The following ANKRD24 variants were observed in gnomAD, a reference collection of about 807,000 sequenced individuals.
ANKRD24 encodes ankyrin repeat domain 24.
Under a neutral mutation model 127.8 loss-of-function variants are expected in ANKRD24, and 109 were observed. That is an observed-to-expected ratio of 0.85 (90% CI 0.73 to 1.00). The LOEUF (loss-of-function observed/expected upper bound fraction) is 1.00, where lower values mean the gene tolerates loss of function less well. Ranked by LOEUF, ANKRD24 falls within the 50% of genes least tolerant of loss-of-function variation. The probability of loss-of-function intolerance (pLI) is 0.00; values close to 1 mark genes in which losing one functional copy is unlikely to be tolerated. For missense variants in ANKRD24, 1,648 were observed against 1,570.2 expected (o/e 1.05, Z -0.84); for synonymous variants, 743 against 671.1 (o/e 1.11, Z -1.66).
In ANKRD24 at chr19:4,224,544, G is replaced by A. The variant is rs747162663; in HGVS notation, c.*39G>A. On this transcript the variant is annotated 3_prime_UTR_variant, in exon 22 of 22. Transcript: ENST00000318934. ...CAGTGGCTACACTGACCACACCCAC[G>A]CAGGGACCTCACCCCCCTGCAGGCC... The A allele has an allele frequency of 3.1e-5, 49 of 1,567,604 alleles. No homozygotes were observed. The highest frequency in any genetic ancestry group is 3.8e-5 in the Non-Finnish European group (44 of 1,151,968).
At chr19:4,205,954 A>G (rs528499368) in intron 7 of ANKRD24, among the ~76,000 whole-genome samples, 1 of 150,666 alleles carries the variant, frequency 6.6e-6, no homozygotes, top group East Asian at 2.0e-4. Context: ...CATCCTGGCT[A>G]ACACGGTGAA....
Position 4,195,192 on chromosome 19 carries a change from T to C in ANKRD24, c.37-4491T>C, listed in dbSNP as rs190063372. On this transcript the variant is annotated intron_variant, in intron 2 of 21. Coordinates refer to ENST00000318934, the MANE Select transcript of ANKRD24 (RefSeq NM_001393985.1). This position sits in a 1 kb window ranked among gnomAD's most constrained non-coding sequence, Gnocchi z 4.2. ...GGTGCACGCCATTCTCCTGCCTCAG[T>C]CTCCCGAGTAGCTGGGACTACAGGC... 7.9e-4 allele frequency among the ~76,000 whole-genome samples: 120 copies of C among 151,956 alleles called. No homozygotes were observed. The highest frequency in any genetic ancestry group is 2.9e-3 in the East Asian group (15 of 5,142).
At chr19:4,206,593 G>A (rs7245467) in intron 7 of ANKRD24, among the ~76,000 whole-genome samples, 117,451 of 151,976 alleles carry the variant, frequency 0.77, 45,527 homozygotes, top group African/African-American at 0.83. Context: ...CAGGAGTTCG[G>A]GACCAGTCTG....
At position 4,217,643 on chromosome 19, in the gene ANKRD24, AG is replaced by A; in HGVS notation, c.2485del (p.Ala829ArgfsTer181). ...GCCAGCCGGCTGCTGGCGGAGGAGG[AG>A]GCGCGGGGCCTGCGGGCCGAGCTGG... ...ARASRLLAEEEARGLRAELAQ... is the reference protein window; with the variant it reads ...ARASRLLAEEXARGLRAELAQ... On this transcript the variant is annotated frameshift_variant, in exon 18 of 22. Coordinates refer to ENST00000318934, the MANE Select transcript of ANKRD24 (RefSeq NM_001393985.1). LOFTEE classifies it high-confidence loss of function. The A allele has an allele frequency of 7.8e-7, 1 of 1,281,912 alleles. No individual in the cohort carries two copies. The highest frequency in any genetic ancestry group is 9.8e-7 in the Non-Finnish European group (1 of 1,018,160). The allele number at this position is 1,281,912 out of a possible 1,614,324, so 79.4% of individuals were successfully genotyped here.
chr19:4,202,197 C>A, intron 6 of ANKRD24, 107 bp downstream of exon 6: 1 of 1,037,428 alleles, frequency 9.6e-7, no homozygotes, highest in South Asian at 1.3e-5. Flanking sequence ...ATTCCTTGGC[C>A]CCTTTTACTC....
chr19:4,193,845 G>GAGGGAGGGAGGGAGGGAAGGAAGGA (rs573649233), intron 2 of ANKRD24, among the ~76,000 whole-genome samples: 911 of 40,484 alleles, frequency 0.023, 156 homozygotes, highest in Middle Eastern at 0.1. Flanking sequence ...GGGAGGGAGG[G>GAGGGAGGGAGGGAGGGAAGGAAGGA]AGGAAGGAAG....
At chr19:4,224,272 A>G in intron 21 of ANKRD24, 80 bp downstream of exon 21, 1 of 1,460,348 alleles carries the variant, frequency 6.8e-7, no homozygotes, top group Non-Finnish European at 9.4e-7. Flanking sequence ...CCCCTTCTGT[A>G]CAGTGGGAGG....
chr19:4,206,780 A>C (rs1244899091), intron 7 of ANKRD24, among the ~76,000 whole-genome samples: 5 of 152,168 alleles, frequency 3.3e-5, no homozygotes, highest in African/African-American at 1.2e-4. Context: ...CCTTTGTTAC[A>C]AATTCCTCAG....
chr19:4,212,933 C>G (rs1406442438), intron 15 of ANKRD24, among the ~76,000 whole-genome samples: 1 of 152,228 alleles, frequency 6.6e-6, no homozygotes, highest in East Asian at 1.9e-4. Context: ...GAGATCGAGA[C>G]TGTCCTGGCC....
chr19:4,196,286 A>G (rs8110225), intron 2 of ANKRD24, among the ~76,000 whole-genome samples: 64,764 of 151,954 alleles, frequency 0.43, 13,902 homozygotes, highest in Non-Finnish European at 0.45. Context: ...AGCCCCTGTC[A>G]CCTGTCTGCT....
chr19:4,187,167 T>C (rs1968111495), intron 2 of ANKRD24, among the ~76,000 whole-genome samples: 1 of 150,734 alleles, frequency 6.6e-6, no homozygotes, highest in Non-Finnish European at 1.5e-5. Flanking sequence ...AATCCCAGCA[T>C]TTTGGGAGGC....
rs775592071 is a variant in ANKRD24 at position 4,207,938 on chromosome 19, G to C, written c.802G>C (p.Glu268Gln). Residue 268 changes from glutamate to glutamine, a missense_variant, in exon 10 of 22, where the codon GAG (glutamate) becomes CAG (glutamine). Physicochemically the swap from Glu to Gln is conservative, Grantham distance 29. Coordinates refer to ENST00000318934, the MANE Select transcript of ANKRD24 (RefSeq NM_001393985.1). Reference sequence around the variant, plus strand: ...CAAACTCATCCTGCACCTTCTGCAAGAGGCGGCCCAGCGCCCCTCCCCACC... The same window carrying C: ...CAAACTCATCCTGCACCTTCTGCAACAGGCGGCCCAGCGCCCCTCCCCACC... ...GDKLILHLLQ[E>Q]AAQRPSPPSA... 41 of 1,535,524 alleles carry C rather than the reference G, an allele frequency of 2.7e-5. No individual in the cohort carries two copies. Among genetic ancestry groups the C allele is most frequent in the Non-Finnish European group, 3.4e-5 (39 of 1,143,328 alleles).
Position 4,202,846 on chromosome 19 carries a change from C to T in ANKRD24, c.409-23C>T, listed in dbSNP as rs753451399. ...GGCAGCAAGAAGGATGGCTCCGCCT[C>T]AAAGGACTCGCCCCATCCCCAGGCT... is the stretch of plus-strand genomic sequence containing the variant. On this transcript the variant is annotated intron_variant, in intron 6 of 21. Transcript: ENST00000318934. 2.5e-6 allele frequency: 4 copies of T among 1,576,098 alleles called. No homozygotes were observed. The East Asian group carries it at 7.1e-5, about 28-fold the overall frequency.
rs1271640298 is a variant in ANKRD24 at position 4,199,725 on chromosome 19, G to A, written c.79G>A (p.Gly27Ser). The A allele has an allele frequency of 5.9e-6, 9 of 1,538,414 alleles. No individual in the cohort carries two copies. Among genetic ancestry groups the A allele is most frequent in the South Asian group, 3.6e-5 (3 of 83,774 alleles). Residue 27 changes from glycine (G) to serine (S), a missense_variant, in exon 3 of 22, where the codon GGC (glycine) becomes AGC (serine). Gly to Ser is a moderately conservative substitution (Grantham distance 56). Coordinates refer to ENST00000318934, the MANE Select transcript of ANKRD24 (RefSeq NM_001393985.1). The surrounding 1 kb of genome is among the most constrained non-coding windows in gnomAD (Gnocchi z 5.2). ...PTDLGSCPPC[G>S]PCPIPKPAAR... is the part of the protein sequence containing the mutation. ...TGACCTTGGCTCCTGCCCGCCCTGC[G>A]GCCCCTGCCCCATCCCGAAGCCGGC... is the stretch of plus-strand genomic sequence containing the variant.
At position 4,195,198 on chromosome 19, in the gene ANKRD24, G is replaced by A. The variant is rs564016778; in HGVS notation, c.37-4485G>A. ...CGCCATTCTCCTGCCTCAGTCTCCC[G>A]AGTAGCTGGGACTACAGGCGCCCAC... On this transcript the variant is annotated intron_variant, in intron 2 of 21. Transcript: ENST00000318934. The surrounding 1 kb of genome is among the most constrained non-coding windows in gnomAD (Gnocchi z 4.2). 5.9e-5 allele frequency among the ~76,000 whole-genome samples: 9 copies of A among 151,882 alleles called. No homozygotes were observed. The South Asian group carries it at 8.3e-4, about 14-fold the overall frequency.
intron 2 of ANKRD24, among the ~76,000 whole-genome samples, chr19:4,193,862 A>AGGAC (rs1968540768): frequency 1.2e-5 from 1 of 86,838 alleles, no homozygotes. Flanking sequence ...GAAGGAAGGA[A>AGGAC]GGAAGGAAGG....
In ANKRD24 at chr19:4,200,530, G is replaced by C. The variant is rs866281664; in HGVS notation, c.343+359G>C. ...TTTTGTTGTTTTGTTTTTCTTTTTT[G>C]GGGGGAGGGACAGGGTCTCCCTCTG... On this transcript the variant is annotated intron_variant, in intron 5 of 21. Coordinates refer to ENST00000318934, the MANE Select transcript of ANKRD24 (RefSeq NM_001393985.1). Among the ~76,000 whole-genome samples, 5 of 151,762 alleles carry C rather than the reference G, an allele frequency of 3.3e-5. 1 individual carries two copies. The highest frequency in any genetic ancestry group is 3.4e-3 in the Middle Eastern group (1 of 292).
chr19:4,191,591 C>G (rs1306433404), intron 2 of ANKRD24, among the ~76,000 whole-genome samples: 1 of 151,548 alleles, frequency 6.6e-6, no homozygotes, highest in African/African-American at 2.4e-5. Flanking sequence ...AAGAGATTAT[C>G]CTCTCTCAGC....
intron 2 of ANKRD24, among the ~76,000 whole-genome samples, chr19:4,196,775 ATAAATGCT>A (rs1968770275): frequency 6.6e-6 from 1 of 152,160 alleles, no homozygotes; most frequent in South Asian, 2.1e-4. Flanking sequence ...TGGGCGCTCA[ATAAATGCT>A]TACTGCTTGA....
Sources: gnomAD v4.1 joint callset for allele counts (sites outside exome capture counted in the v4.1 genomes callset) on GRCh38, gnomAD v4.1.1 for gene constraint, Gnocchi (gnomAD v3.1) non-coding constraint, MANE v1.5 for transcripts, NCBI Gene and HGNC (gene_info 2026-07-23, HGNC 2026-07-21) for gene names.